PACSIN2: variants seen among roughly 807,000 people sequenced by gnomAD.
The protein encoded by PACSIN2 is protein kinase C and casein kinase substrate in neurons protein 2.
A neutral mutation model predicts 63.8 loss-of-function variants in PACSIN2; 25 were observed. The observed-to-expected ratio is 0.39, with a 90% CI of 0.29 to 0.55. PACSIN2 has a LOEUF of 0.55. PACSIN2 is among the 20% of genes least tolerant of loss of function. The pLI is 0.62. For synonymous variants in PACSIN2, 255 were observed against 256.2 expected, an observed-to-expected ratio of 1.00 and a Z score of 0.05; for missense variants, 518 against 646.9, an observed-to-expected ratio of 0.80 and a Z score of 2.16.
chr22:42,871,314 G>A lies in PACSIN2; in HGVS notation c.*43C>T, dbSNP rs767285164. On this transcript the variant is annotated 3_prime_UTR_variant, in exon 11 of 11. Coordinates refer to ENST00000263246, the MANE Select transcript of PACSIN2 (RefSeq NM_001184970.3). This position sits in a 1 kb window ranked among gnomAD's most constrained non-coding sequence, Gnocchi z 5.4. ...GCCCACGTGGCTGGCTGAGGCTCCTGGGCCCGCCGCCTCCGTCCCCCCGCT... is the reference window on the plus strand; with the variant it reads ...GCCCACGTGGCTGGCTGAGGCTCCTAGGCCCGCCGCCTCCGTCCCCCCGCT... 9 of 1,291,162 alleles carry A rather than the reference G, an allele frequency of 7.0e-6. No individual in the cohort carries two copies. The highest frequency in any genetic ancestry group is 1.5e-5 in the African/African-American group (1 of 64,766). The allele number at this position is 1,291,162 out of a possible 1,614,324, so 80.0% of individuals were successfully genotyped here.
intron 1 of PACSIN2, among the ~76,000 whole-genome samples, chr22:42,938,805 CAAGGG>C (rs1421319813): frequency 2.0e-5 from 3 of 152,272 alleles, no homozygotes; most frequent in Admixed American, 2.0e-4. Flanking sequence ...GAGAAGACGA[CAAGGG>C]AAGGGAAGAG....
At chr22:42,983,881 G>C (rs1347590015) in intron 1 of PACSIN2, among the ~76,000 whole-genome samples, 1 of 151,812 alleles carries the variant, frequency 6.6e-6, no homozygotes, top group Non-Finnish European at 1.5e-5. Flanking sequence ...CCACTGATCA[G>C]ATGTCATGTC....
Position 42,870,524 on chromosome 22 carries a change from A to C in PACSIN2, c.*833T>G, listed in dbSNP as rs939654872. ...ACAGTCTAATCTAAAGCATCTTTACAGATGCATTTGCTTGAAAAGTTAGTC... is the reference window on the plus strand; with the variant it reads ...ACAGTCTAATCTAAAGCATCTTTACCGATGCATTTGCTTGAAAAGTTAGTC... On this transcript the variant is annotated 3_prime_UTR_variant, in exon 11 of 11. Transcript: ENST00000263246. 6.6e-6 allele frequency: 1 copy of C among 152,232 alleles called. No homozygotes were observed. The highest frequency in any genetic ancestry group is 1.5e-5 in the Non-Finnish European group (1 of 68,040). The allele number at this position is 152,232 out of a possible 1,614,324, so 9.4% of individuals were successfully genotyped here. A position where few individuals can be genotyped will look rare whatever the true frequency, so the allele number is the denominator to read the frequency against.
At chr22:42,876,013 G>A (rs1444377797) in intron 10 of PACSIN2, 124 bp downstream of exon 10, 7 of 749,478 alleles carry the variant, frequency 9.3e-6, no homozygotes, top group African/African-American at 5.3e-5. Context: ...CACTGGGGAA[G>A]GGCCTGCAGT....
Position 42,884,919 on chromosome 22 carries a change from A to C in PACSIN2, c.610-358T>G, listed in dbSNP as rs566912398. Among the ~76,000 whole-genome samples, 8 of 152,362 alleles carry C rather than the reference A, an allele frequency of 5.3e-5. No homozygotes were observed. In the East Asian group the frequency reaches 1.5e-3, roughly 29 times the overall value. On this transcript the variant is annotated intron_variant, in intron 5 of 10. Transcript: ENST00000263246. ...CCCTCAAGCCTCAGATCTGGCCCACAGCAAAGGTGGGGCTGGGGCTGAATC... is the reference window on the plus strand; with the variant it reads ...CCCTCAAGCCTCAGATCTGGCCCACCGCAAAGGTGGGGCTGGGGCTGAATC...
intron 5 of PACSIN2, among the ~76,000 whole-genome samples, chr22:42,885,940 C>G (rs971218656): frequency 4.6e-5 from 7 of 152,228 alleles, no homozygotes; most frequent in African/African-American, 1.7e-4. Flanking sequence ...GTGCCCACTA[C>G]CTGGCAGCCC....
intron 1 of PACSIN2, among the ~76,000 whole-genome samples, chr22:42,991,562 C>A (rs1468239134): frequency 6.6e-6 from 1 of 152,226 alleles, no homozygotes; most frequent in Non-Finnish European, 1.5e-5. Flanking sequence ...GGGAATCCAG[C>A]GGGCATCGCC....
chr22:42,876,798 G>T, intron 9 of PACSIN2, 90 bp downstream of exon 9: 1 of 1,542,704 alleles, frequency 6.5e-7, no homozygotes, highest in Non-Finnish European at 8.9e-7. Flanking sequence ...GTGCATTGCC[G>T]AGTGCCGAGG....
intron 1 of PACSIN2, among the ~76,000 whole-genome samples, chr22:43,007,961 G>C (rs941117285): frequency 2.6e-5 from 4 of 152,238 alleles, no homozygotes; most frequent in African/African-American, 9.6e-5. Flanking sequence ...AAAATAAAAA[G>C]CAGGTACTTC....
chr22:42,918,363 G>C (rs1463241851), intron 1 of PACSIN2, among the ~76,000 whole-genome samples: 1 of 152,162 alleles, frequency 6.6e-6, no homozygotes, highest in Non-Finnish European at 1.5e-5. Context: ...CTCCACCTGG[G>C]AGCCCAAGCT....
At chr22:42,975,781 C>T (rs62231618) in intron 1 of PACSIN2, among the ~76,000 whole-genome samples, 2,412 of 152,074 alleles carry the variant, frequency 0.016, 30 homozygotes, top group Middle Eastern at 0.041. Flanking sequence ...AGGAGGTTGG[C>T]TCCCAGGCAT....
At chr22:42,964,631 C>A (rs1920938081) in intron 1 of PACSIN2, among the ~76,000 whole-genome samples, 1 of 152,022 alleles carries the variant, frequency 6.6e-6, no homozygotes, top group Non-Finnish European at 1.5e-5. Flanking sequence ...CAGCCTGGCA[C>A]AGGGCAGGCT....
chr22:42,924,759 CT>C (rs112807995), intron 1 of PACSIN2, among the ~76,000 whole-genome samples: 254 of 142,412 alleles, frequency 1.8e-3, no homozygotes, highest in Non-Finnish European at 2.2e-3. Context: ...GGTTTTTTTT[CT>C]TTTTTTTTTT....
intron 9 of PACSIN2, 54 bp downstream of exon 9, chr22:42,876,833 AG>A: frequency 6.2e-7 from 1 of 1,610,318 alleles, no homozygotes. Context: ...ACAGAGAGAG[AG>A]GAAGAGAGAC....
chr22:42,943,728 G>C (rs1211108883), intron 1 of PACSIN2, among the ~76,000 whole-genome samples: 2 of 152,100 alleles, frequency 1.3e-5, no homozygotes, highest in African/African-American at 4.8e-5. Context: ...GTGTCATAAG[G>C]AGCCAAATAA....
chr22:42,875,924 C>T (rs972012845), intron 10 of PACSIN2, among the ~76,000 whole-genome samples: 4 of 152,176 alleles, frequency 2.6e-5, no homozygotes, highest in African/African-American at 7.2e-5. Flanking sequence ...CCTTCCACCT[C>T]GGCCTCCCAA....
intron 1 of PACSIN2, among the ~76,000 whole-genome samples, chr22:42,940,616 C>A (rs369258869): frequency 1.3e-5 from 2 of 152,322 alleles, no homozygotes; most frequent in South Asian, 4.1e-4. Flanking sequence ...AGAGGGGCCA[C>A]CCCAGGTCCT....
intron 5 of PACSIN2, among the ~76,000 whole-genome samples, chr22:42,885,990 G>A (rs918296635): frequency 3.3e-5 from 5 of 152,226 alleles, no homozygotes; most frequent in Non-Finnish European, 7.3e-5. Flanking sequence ...ACACATAGCT[G>A]TGGGTTCAGC....
chr22:42,880,503 A>G (rs965284831), intron 7 of PACSIN2: 2 of 152,178 alleles, frequency 1.3e-5, no homozygotes, highest in African/African-American at 4.8e-5. Context: ...ACAGCAGCGC[A>G]GCCTCAGCTG....
Sources: gnomAD v4.1 joint callset for allele counts (sites outside exome capture counted in the v4.1 genomes callset) on GRCh38, gnomAD v4.1.1 for gene constraint, Gnocchi (gnomAD v3.1) non-coding constraint, MANE v1.5 for transcripts, NCBI Gene and HGNC (gene_info 2026-07-23, HGNC 2026-07-21) for gene names.